SPHKAP: variants seen among roughly 807,000 people sequenced by gnomAD.
SPHKAP encodes the protein SPHK1 interactor, AKAP domain containing.
SPHKAP carries 67 observed loss-of-function variants against 137.5 expected under a neutral mutation model. The observed-to-expected ratio is 0.49, with a 90% CI of 0.40 to 0.60. The LOEUF (loss-of-function observed/expected upper bound fraction) is 0.60, where lower values mean the gene tolerates loss of function less well. Ranked by LOEUF, SPHKAP falls within the 20% of genes least tolerant of loss-of-function variation. The pLI is 0.00. For missense variants in SPHKAP, 2,097 were observed against 2,069.3 expected (o/e 1.01, Z -0.26); for synonymous variants, 813 against 785.3 (o/e 1.04, Z -0.59).
At chr2:228,141,867 T>C (rs1182133329) in intron 1 of SPHKAP, among the ~76,000 whole-genome samples, 3 of 152,210 alleles carry the variant, frequency 2.0e-5, no homozygotes, top group Admixed American at 2.0e-4. Context: ...GTTAGTTTTA[T>C]TGGAGAAAAT....
intron 3 of SPHKAP, among the ~76,000 whole-genome samples, chr2:228,107,062 C>T (rs905874818): frequency 9.8e-5 from 13 of 133,226 alleles, no homozygotes; most frequent in South Asian, 2.3e-4. Flanking sequence ...CATTAACTCA[C>T]GTAGTTATCA....
chr2:228,017,602 T>G lies in SPHKAP; in HGVS notation c.3252A>C (p.Glu1084Asp). Residue 1084 changes from glutamate to aspartate, a missense_variant, in exon 7 of 12, where the codon GAA (glutamate) becomes GAC (aspartate). Physicochemically the swap from Glu to Asp is conservative, Grantham distance 45. Coordinates refer to ENST00000392056, the MANE Select transcript of SPHKAP (RefSeq NM_001142644.2). ...RWSRLKASSC[E>D]SIPEEDSEAR... The stretch of plus-strand genomic sequence containing the variant: ...CCTCGGAGTCTTCCTCAGGAATGCT[T>G]TCGCAGCTGGAGGCCTTCAGCCGGC... The G allele has an allele frequency of 6.2e-7, 1 of 1,613,882 alleles. No homozygotes were observed. Among genetic ancestry groups the G allele is most frequent in the Non-Finnish European group, 8.5e-7 (1 of 1,180,018 alleles).
chr2:228,066,237 T>C (rs1696825127), intron 3 of SPHKAP, among the ~76,000 whole-genome samples: 1 of 152,196 alleles, frequency 6.6e-6, no homozygotes, highest in African/African-American at 2.4e-5. Flanking sequence ...TTTTAATGTT[T>C]TCCCTGTACT....
intron 2 of SPHKAP, among the ~76,000 whole-genome samples, chr2:228,122,977 C>A (rs1200704286): frequency 6.6e-6 from 1 of 152,122 alleles, no homozygotes; most frequent in Non-Finnish European, 1.5e-5. Context: ...TTCTCCTGTT[C>A]AGCCCTTACG....
intron 3 of SPHKAP, among the ~76,000 whole-genome samples, chr2:228,062,803 G>A (rs1696699172): frequency 6.6e-6 from 1 of 152,128 alleles, no homozygotes; most frequent in South Asian, 2.1e-4. Context: ...GAAACATAAT[G>A]AATCAACTGG....
At chr2:228,154,572 G>T (rs1216007773) in intron 1 of SPHKAP, among the ~76,000 whole-genome samples, 1 of 74,592 alleles carries the variant, frequency 1.3e-5, no homozygotes, top group African/African-American at 5.2e-5. Flanking sequence ...TTTTTGAGAT[G>T]GAGTCTCGCT....
At chr2:228,139,715 G>A (rs1346653340) in intron 1 of SPHKAP, among the ~76,000 whole-genome samples, 1 of 151,892 alleles carries the variant, frequency 6.6e-6, no homozygotes, top group Non-Finnish European at 1.5e-5. Context: ...TTTTAATGAA[G>A]GCTATGGGGG....
intron 1 of SPHKAP, among the ~76,000 whole-genome samples, chr2:228,159,056 G>A (rs757104563): frequency 8.5e-5 from 13 of 152,060 alleles, no homozygotes; most frequent in Admixed American, 2.0e-4. Flanking sequence ...ACCAATGGGC[G>A]GTGATGGAGT....
chr2:228,023,950 G>A (rs909662466), intron 5 of SPHKAP, among the ~76,000 whole-genome samples: 4 of 152,020 alleles, frequency 2.6e-5, no homozygotes, highest in South Asian at 2.1e-4. Flanking sequence ...TGGAAATGAC[G>A]TCCCATTCAC....
intron 1 of SPHKAP, among the ~76,000 whole-genome samples, chr2:228,158,027 A>T (rs1249982543): frequency 1.3e-5 from 2 of 152,226 alleles, no homozygotes; most frequent in Non-Finnish European, 2.9e-5. Flanking sequence ...AATGAAGCTC[A>T]CTGTGACTGA....
chr2:228,156,289 T>C (rs12623025), intron 1 of SPHKAP, among the ~76,000 whole-genome samples: 33,998 of 152,100 alleles, frequency 0.22, 4,240 homozygotes, highest in East Asian at 0.5. Flanking sequence ...TTCTCCACTG[T>C]AGATGGAATG....
intron 1 of SPHKAP, among the ~76,000 whole-genome samples, chr2:228,167,753 T>C (rs1358391622): frequency 1.3e-5 from 2 of 152,128 alleles, no homozygotes; most frequent in African/African-American, 4.8e-5. Flanking sequence ...TATAGGCTTG[T>C]AGGACAAAAA....
chr2:228,070,951 C>T (rs1696985809), intron 3 of SPHKAP, among the ~76,000 whole-genome samples: 1 of 152,008 alleles, frequency 6.6e-6, no homozygotes, highest in Non-Finnish European at 1.5e-5. Context: ...TTCTGGGTGG[C>T]CCTGGGCATT....
chr2:228,013,261 C>CT (rs1341356259), intron 7 of SPHKAP, among the ~76,000 whole-genome samples: 2 of 151,840 alleles, frequency 1.3e-5, no homozygotes, highest in African/African-American at 2.4e-5. Flanking sequence ...ATTCCTTTTT[C>CT]TTTTTTTTGA....
Position 228,018,614 on chromosome 2 carries a change from G to A in SPHKAP, c.2240C>T (p.Thr747Ile). The A allele has an allele frequency of 1.2e-6, 2 of 1,614,140 alleles. No homozygotes were observed. Among genetic ancestry groups the A allele is most frequent in the Non-Finnish European group, 1.7e-6 (2 of 1,180,008 alleles). ...LSKETIRRRE[T>I]EPSCQPSDPG... ...ATCAGATGGCTGGCAGCTTGGTTCTGTCTCCCTCCTTCTGATGGTCTCCTT... is the reference window on the plus strand; with the variant it reads ...ATCAGATGGCTGGCAGCTTGGTTCTATCTCCCTCCTTCTGATGGTCTCCTT... Residue 747 changes from threonine (T) to isoleucine (I), a missense_variant, in exon 7 of 12, where the codon ACA (threonine) becomes ATA (isoleucine). Coordinates refer to ENST00000392056, the MANE Select transcript of SPHKAP (RefSeq NM_001142644.2).
intron 1 of SPHKAP, among the ~76,000 whole-genome samples, chr2:228,136,538 T>C (rs2106381116): frequency 6.6e-6 from 1 of 152,310 alleles, no homozygotes; most frequent in East Asian, 1.9e-4. Flanking sequence ...ATCCAGTTAT[T>C]TCCCTAGAGA....
chr2:228,093,191 G>A (rs1370587277), intron 3 of SPHKAP, among the ~76,000 whole-genome samples: 5 of 152,186 alleles, frequency 3.3e-5, no homozygotes, highest in Admixed American at 3.3e-4. Flanking sequence ...ATGTAAAATG[G>A]TGCAGCTGCT....
chr2:228,157,644 C>T (rs1442787721), intron 1 of SPHKAP, among the ~76,000 whole-genome samples: 1 of 152,026 alleles, frequency 6.6e-6, no homozygotes, highest in Non-Finnish European at 1.5e-5. Context: ...TCATTGCAGG[C>T]ACTTCTACTA....
At chr2:228,092,946 C>G (rs1697853951) in intron 3 of SPHKAP, among the ~76,000 whole-genome samples, 1 of 152,000 alleles carries the variant, frequency 6.6e-6, no homozygotes, top group Non-Finnish European at 1.5e-5. Context: ...AGACTACAAA[C>G]TGGGTTCAGT....
Sources: allele counts gnomAD v4.1 joint callset (sites outside exome capture counted in the v4.1 genomes callset), GRCh38; gene constraint gnomAD v4.1.1; transcripts MANE v1.5; gene names NCBI Gene and HGNC (gene_info 2026-07-23, HGNC 2026-07-21).